BAZ2A: variants seen among roughly 807,000 people sequenced by gnomAD.
The protein encoded by BAZ2A is bromodomain adjacent to zinc finger domain 2A.
Under a neutral mutation model 199.9 loss-of-function variants are expected in BAZ2A, and 34 were observed. The observed-to-expected ratio is 0.17, with a 90% CI of 0.13 to 0.23. BAZ2A has a LOEUF of 0.23. BAZ2A is among the 10% of genes least tolerant of loss of function. The pLI is 1.00. For synonymous variants in BAZ2A, 857 were observed against 883.9 expected (o/e 0.97, Z 0.54); for missense variants, 2,002 against 2,391.1 (o/e 0.84, Z 3.39).
upstream of BAZ2A, among the ~76,000 whole-genome samples, chr12:56,632,980 C>G (rs1951355616): frequency 6.6e-6 from 1 of 152,152 alleles, no homozygotes; most frequent in Admixed American, 6.5e-5. Flanking sequence ...CTTTTCCCCA[C>G]CCATTTCCCT....
chr12:56,614,895 T>C (rs1360554242), intron 3 of BAZ2A, 119 bp downstream of exon 3: 3 of 1,078,936 alleles, frequency 2.8e-6, no homozygotes, highest in Non-Finnish European at 4.0e-6. Context: ...ATCACCAACA[T>C]GCAAATCAGC....
intron 10 of BAZ2A, among the ~76,000 whole-genome samples, chr12:56,607,062 C>G (rs1248441391): frequency 1.3e-5 from 2 of 152,088 alleles, no homozygotes; most frequent in Non-Finnish European, 2.9e-5. Flanking sequence ...AATCTCTCTC[C>G]CAGGATACCT....
At chr12:56,633,731 G>A (rs1284309507), upstream of BAZ2A, among the ~76,000 whole-genome samples, 1 of 151,202 alleles carries the variant, frequency 6.6e-6, no homozygotes, top group Non-Finnish European at 1.5e-5. Flanking sequence ...CCCCACTTTT[G>A]TTTGTTTGTT....
rs1344404443 is a variant in BAZ2A at position 56,598,785 on chromosome 12, T to G, written c.5547-2A>C. On this transcript the variant is annotated splice_acceptor_variant, in intron 28 of 28. Transcript: ENST00000549884. LOFTEE classifies it high-confidence loss of function. ...GCAAACTCCTCTGAGCTGGTGTACC[T>G]GGACAGGGCAGGGGCAAAACTGTGA... 3 of 1,611,598 alleles carry G rather than the reference T, an allele frequency of 1.9e-6. No individual in the cohort carries two copies. The highest frequency in any genetic ancestry group is 1.7e-6 in the Non-Finnish European group (2 of 1,178,760).
chr12:56,635,786 G>A lies in BAZ2A; in HGVS notation c.4+396C>T, dbSNP rs180942860. Among the ~76,000 whole-genome samples, 9 of 152,306 alleles carry A rather than the reference G, an allele frequency of 5.9e-5. No individual in the cohort carries two copies. Among genetic ancestry groups the A allele is most frequent in the Admixed American group, 5.2e-4 (8 of 15,308 alleles). On this transcript the variant is annotated intron_variant, in intron 1 of 29. Coordinates refer to the BAZ2A transcript ENST00000379441. This position sits in a 1 kb window ranked among gnomAD's most constrained non-coding sequence, Gnocchi z 4.1. ...CTTAAAAGGCCTTAGAAAAATGAGA[G>A]GGAGGGGAGGCATTTTAAAGACCTT...
upstream of BAZ2A, chr12:56,635,002 G>T: frequency 1.0e-6 from 1 of 984,824 alleles, no homozygotes. This position sits in a 1 kb window ranked among gnomAD's most constrained non-coding sequence, Gnocchi z 4.1. Context: ...AGGTGGCCGA[G>T]CCGGGCGGCG....
At chr12:56,624,196 C>T (rs1422147052) in intron 1 of BAZ2A, among the ~76,000 whole-genome samples, 3 of 152,166 alleles carry the variant, frequency 2.0e-5, no homozygotes, top group Non-Finnish European at 2.9e-5. Context: ...TGAACTCTGA[C>T]TCGGACAAAC....
At chr12:56,620,987 T>C (rs1950903968) in intron 1 of BAZ2A, 3 of 834,634 alleles carry the variant, frequency 3.6e-6, no homozygotes, top group Non-Finnish European at 4.3e-6. Context: ...AGTCTCCAGT[T>C]AGGTTCCTTC....
At chr12:56,604,097 G>A (rs1463025857) in intron 16 of BAZ2A, 120 bp downstream of exon 16, 3 of 921,318 alleles carry the variant, frequency 3.3e-6, no homozygotes, top group East Asian at 2.6e-5. Context: ...CCTGGGCCCT[G>A]GTAAGGTCCC....
chr12:56,615,593 C>T lies in BAZ2A; in HGVS notation c.151G>A (p.Val51Met), dbSNP rs1446428899. The T allele has an allele frequency of 1.3e-6, 2 of 1,598,148 alleles. No homozygotes were observed. Among genetic ancestry groups the T allele is most frequent in the Non-Finnish European group, 1.7e-6 (2 of 1,170,714 alleles). ...ACAGTAGATAAGCCATTAACATTCA[C>T]ATCCCCATTCAAACCTGGCAGAGAA... is the stretch of plus-strand genomic sequence containing the variant. ...PQQGKSLNGDVNVNGLSTVSH... is the reference protein window; with the variant it reads ...PQQGKSLNGDMNVNGLSTVSH... Residue 51 changes from valine (V) to methionine (M), a missense_variant, in exon 3 of 29, where the codon GTG (valine) becomes ATG (methionine). Val to Met is a conservative substitution (Grantham distance 21). This residue lies in a region of BAZ2A where 641 missense variants were observed against 694.5 expected (regional missense o/e 0.92). Coordinates refer to ENST00000549884, the MANE Select transcript of BAZ2A (RefSeq NM_001300905.2).
At chr12:56,624,056 G>A (rs928965671) in intron 1 of BAZ2A, among the ~76,000 whole-genome samples, 19 of 150,164 alleles carry the variant, frequency 1.3e-4, no homozygotes, top group Middle Eastern at 3.4e-3. Flanking sequence ...ACTGGCCTGC[G>A]CAACACAGTG....
At position 56,604,695 on chromosome 12, in the gene BAZ2A, G is replaced by A. The variant is rs1019887048; in HGVS notation, c.2853C>T (p.Ala951=). The change falls in exon 15 of 29, where the codon GCC becomes GCT. Residue 951 remains alanine (A), a synonymous_variant. Coordinates refer to ENST00000549884, the MANE Select transcript of BAZ2A (RefSeq NM_001300905.2). ...GCTGGGTGCGCAGGCGGTCACAGAG[G>A]GCTGGCTCTACTCCATATGCCATAA... ...CFLMAYGVEP[A]LCDRLRTQPF... 2.2e-5 allele frequency: 35 copies of A among 1,613,426 alleles called. No individual in the cohort carries two copies. Among genetic ancestry groups the A allele is most frequent in the Admixed American group, 3.3e-5 (2 of 59,942 alleles).
intron 1 of BAZ2A, among the ~76,000 whole-genome samples, chr12:56,621,506 T>C (rs942204058): frequency 1.2e-4 from 18 of 152,092 alleles, no homozygotes; most frequent in African/African-American, 3.9e-4. Flanking sequence ...AAATCCCAAC[T>C]CTACTATTTA....
At position 56,601,932 on chromosome 12, in the gene BAZ2A, C is replaced by T. The variant is rs1196211547; in HGVS notation, c.3685G>A (p.Ala1229Thr). The T allele has an allele frequency of 6.3e-7, 1 of 1,584,274 alleles. No homozygotes were observed. ...LQPEAQLHAP[A>T]QPQPQLQLQL... ...AGCTGAAGCTGAGGCTGGGGCTGGG[C>T]AGGAGCATGAAGCTGAGCCTCAGGC... Residue 1229 changes from alanine (A) to threonine (T), a missense_variant, in exon 20 of 29, where the codon GCC becomes ACC. By Grantham distance (58) the Ala-to-Thr change is moderately conservative (BLOSUM62 0). This residue lies in a region of BAZ2A where 1,081 missense variants were observed against 1,274.7 expected (regional missense o/e 0.85). Transcript: ENST00000549884.
intron 7 of BAZ2A, 66 bp from the exon 8 acceptor site, chr12:56,610,583 C>T (rs565132125): frequency 3.2e-5 from 47 of 1,453,520 alleles, no homozygotes; most frequent in African/African-American, 2.5e-4. Context: ...GCCACCTAAG[C>T]GCGAAGCCCT....
At chr12:56,637,331 G>A (rs966194950), upstream of BAZ2A, among the ~76,000 whole-genome samples, 13 of 152,216 alleles carry the variant, frequency 8.5e-5, no homozygotes, top group Non-Finnish European at 1.6e-4. Context: ...CTAAAATGAA[G>A]GGAAAATAAC....
chr12:56,625,341 AGACAG>A (rs1951053936), intron 1 of BAZ2A, among the ~76,000 whole-genome samples: 1 of 151,680 alleles, frequency 6.6e-6, no homozygotes, highest in South Asian at 2.1e-4. Flanking sequence ...TTTTTAGTAG[AGACAG>A]GGTTTCACCA....
chr12:56,604,210 T>C lies in BAZ2A; in HGVS notation c.3038+7A>G, dbSNP rs1224522592. ...CTCTGAGGCTCTACTCTCTGTCTGGTCCCTACCTCCGGAGCCGGCCTTCAA... is the reference window on the plus strand; with the variant it reads ...CTCTGAGGCTCTACTCTCTGTCTGGCCCCTACCTCCGGAGCCGGCCTTCAA... On this transcript the variant is annotated splice_region_variant and intron_variant, in intron 16 of 28. Transcript: ENST00000549884. 1.2e-6 allele frequency: 2 copies of C among 1,601,158 alleles called. No homozygotes were observed. The highest frequency in any genetic ancestry group is 3.4e-5 in the Admixed American group (2 of 58,362).
At position 56,601,777 on chromosome 12, in the gene BAZ2A, C is replaced by A. The variant is rs375470700; in HGVS notation, c.3840G>T (p.Leu1280=). The change falls in exon 20 of 29, where the codon CTG becomes CTT. Residue 1280 remains leucine, a synonymous_variant. Coordinates refer to ENST00000549884, the MANE Select transcript of BAZ2A (RefSeq NM_001300905.2). ...WLSQTQSHSS[L]LSSSVLTPDS... is the part of the protein sequence containing the mutation. ...CAGGTGTGAGGACTGAGCTGCTCAA[C>A]AGGGAGCTATGGCTCTGAGTCTGGC... 4.5e-5 allele frequency: 73 copies of A among 1,613,882 alleles called. No individual in the cohort carries two copies. Among genetic ancestry groups the A allele is most frequent in the Non-Finnish European group, 5.9e-5 (70 of 1,179,902 alleles).
Sources: allele counts gnomAD v4.1 joint callset (sites outside exome capture counted in the v4.1 genomes callset), GRCh38; gene constraint gnomAD v4.1.1; regional missense constraint gnomAD v4.1.1; non-coding constraint Gnocchi (gnomAD v3.1); transcripts MANE v1.5; gene names NCBI Gene and HGNC (gene_info 2026-07-23, HGNC 2026-07-21).